MCTP1: variants seen among roughly 807,000 people sequenced by gnomAD.
MCTP1 encodes multiple C2 and transmembrane domain containing 1, also known as multiple C2 and transmembrane domain-containing protein 1.
Under a neutral mutation model 120.6 loss-of-function variants are expected in MCTP1, and 69 were observed. The ratio of observed to expected loss-of-function variants is 0.57; its 90% CI spans 0.47 to 0.70. The LOEUF (loss-of-function observed/expected upper bound fraction) is 0.70, where lower values mean the gene tolerates loss of function less well. Among genes scored for constraint, MCTP1 ranks in the 30% least tolerant of loss-of-function variants. The pLI is 0.00. For missense variants in MCTP1, 1,203 were observed against 1,248.8 expected (o/e 0.96, Z 0.55); for synonymous variants, 529 against 493.1 (o/e 1.07, Z -0.96).
At chr5:94,856,297 G>A (rs1244542216) in intron 17 of MCTP1, among the ~76,000 whole-genome samples, 1 of 151,596 alleles carries the variant, frequency 6.6e-6, no homozygotes, top group Admixed American at 6.6e-5. Flanking sequence ...CAAAAACAGT[G>A]TGGTTACGAT....
chr5:95,238,626 A>G (rs1459285097), intron 1 of MCTP1, among the ~76,000 whole-genome samples: 1 of 152,200 alleles, frequency 6.6e-6, no homozygotes, highest in Non-Finnish European at 1.5e-5. Context: ...GGAAAAGCAG[A>G]ACTGCCGTCA....
chr5:95,039,820 C>CA (rs1265322602), intron 1 of MCTP1, among the ~76,000 whole-genome samples: 1 of 138,618 alleles, frequency 7.2e-6, no homozygotes, highest in Non-Finnish European at 1.5e-5. Context: ...TTAAGTATTC[C>CA]AAAGACATTG....
chr5:95,064,046 A>T (rs962838808), intron 1 of MCTP1, among the ~76,000 whole-genome samples: 3 of 152,240 alleles, frequency 2.0e-5, no homozygotes, highest in Admixed American at 6.5e-5. Context: ...CTGCTTTAGC[A>T]CTAAATGCAC....
chr5:95,199,912 G>A (rs1750814225), intron 1 of MCTP1, among the ~76,000 whole-genome samples: 2 of 150,996 alleles, frequency 1.3e-5, no homozygotes, highest in Admixed American at 6.6e-5. Context: ...TGTAACCCCA[G>A]CACTCTGGGA....
intron 1 of MCTP1, among the ~76,000 whole-genome samples, chr5:95,210,015 G>C (rs921618978): frequency 6.6e-6 from 1 of 152,162 alleles, no homozygotes; most frequent in Non-Finnish European, 1.5e-5. Context: ...GTTCTAGTTT[G>C]ATTGCACTGT....
chr5:95,184,840 T>TCTGC (rs1749019722), intron 1 of MCTP1, among the ~76,000 whole-genome samples: 1 of 152,082 alleles, frequency 6.6e-6, no homozygotes, highest in African/African-American at 2.4e-5. Flanking sequence ...CTCAACCAGT[T>TCTGC]CTGCCATCTC....
chr5:95,142,216 A>C (rs917220440), intron 1 of MCTP1, among the ~76,000 whole-genome samples: 18 of 152,206 alleles, frequency 1.2e-4, no homozygotes, highest in Non-Finnish European at 2.2e-4. Flanking sequence ...CACAGATTTT[A>C]GCTTGGTCAT....
At chr5:95,068,965 T>A (rs1329519289) in intron 1 of MCTP1, 2 of 281,252 alleles carry the variant, frequency 7.1e-6, no homozygotes, top group East Asian at 2.8e-4. Flanking sequence ...TCTTTTTTTT[T>A]TTTTTTTTCC....
At position 94,912,965 on chromosome 5, in the gene MCTP1, T is replaced by G. The variant is rs1809132285; in HGVS notation, c.1362A>C (p.Gln454His). 1 of 1,588,536 alleles carries G rather than the reference T, an allele frequency of 6.3e-7. No individual in the cohort carries two copies. The highest frequency in any genetic ancestry group is 1.2e-5 in the South Asian group (1 of 86,592). The change falls in exon 9 of 23, where the codon CAA becomes CAC. Residue 454 changes from glutamine to histidine, a missense_variant. Gln to His is a conservative substitution (Grantham distance 24, BLOSUM62 0). This residue lies in a region of MCTP1 where 740 missense variants were observed against 871.1 expected (regional missense o/e 0.85). Transcript: ENST00000515393. ...TGTGTAGGTCTGATAGGCGTAAACT[T>G]TGGGTCTGAAACTTTTGGCAAATGA... Reference protein sequence around the residue: ...PYCKNVQFQTQSLRLSDLHRK... With the variant: ...PYCKNVQFQTHSLRLSDLHRK...
At chr5:94,969,282 T>TA (rs1561944492) in intron 2 of MCTP1, among the ~76,000 whole-genome samples, 1 of 152,148 alleles carries the variant, frequency 6.6e-6, no homozygotes, top group African/African-American at 2.4e-5. Flanking sequence ...ACAACACAAC[T>TA]AAACGTGGTC....
intron 1 of MCTP1, among the ~76,000 whole-genome samples, chr5:95,143,688 G>A (rs541382214): frequency 1.1e-4 from 16 of 152,170 alleles, no homozygotes; most frequent in Admixed American, 9.8e-4. Context: ...TAATTCACTT[G>A]GAATAATGGC....
intron 1 of MCTP1, among the ~76,000 whole-genome samples, chr5:95,030,236 C>T (rs1395518405): frequency 1.3e-5 from 2 of 152,208 alleles, no homozygotes; most frequent in African/African-American, 4.8e-5. Flanking sequence ...GCATGCTCCA[C>T]CACTTTCCCC....
intron 19 of MCTP1, among the ~76,000 whole-genome samples, chr5:94,725,760 A>T (rs559408350): frequency 6.6e-6 from 1 of 152,258 alleles, no homozygotes; most frequent in East Asian, 1.9e-4. Flanking sequence ...CAATTTATTA[A>T]CTTCTTCATC....
intron 1 of MCTP1, among the ~76,000 whole-genome samples, chr5:95,168,615 C>T (rs567744223): frequency 6.6e-6 from 1 of 152,328 alleles, no homozygotes; most frequent in South Asian, 2.1e-4. Flanking sequence ...AGGTCCTTCA[C>T]ATCCCTTGTA....
intron 1 of MCTP1, among the ~76,000 whole-genome samples, chr5:95,076,389 A>C (rs918417701): frequency 2.0e-5 from 3 of 152,104 alleles, no homozygotes; most frequent in Non-Finnish European, 4.4e-5. Flanking sequence ...AGGTGGATTA[A>C]ACTTAGAAGT....
intron 1 of MCTP1, among the ~76,000 whole-genome samples, chr5:95,130,510 T>C (rs1346326141): frequency 6.6e-6 from 1 of 152,190 alleles, no homozygotes; most frequent in African/African-American, 2.4e-5. Flanking sequence ...CCAGCTTATT[T>C]TTCAGTGTAT....
chr5:95,166,163 A>G (rs1392074875), intron 1 of MCTP1: 1 of 152,238 alleles, frequency 6.6e-6, no homozygotes, highest in South Asian at 2.1e-4. Flanking sequence ...CCAGTGTTGT[A>G]TAGGTGAAAA....
chr5:94,799,277 T>C (rs917754639), intron 17 of MCTP1, 145 bp from the exon 18 acceptor site: 7 of 735,148 alleles, frequency 9.5e-6, no homozygotes, highest in Non-Finnish European at 1.5e-5. Flanking sequence ...TTGGAAACTT[T>C]TAGACATTTT....
At chr5:95,142,126 T>C (rs1433389142) in intron 1 of MCTP1, among the ~76,000 whole-genome samples, 1 of 152,210 alleles carries the variant, frequency 6.6e-6, no homozygotes, top group African/African-American at 2.4e-5. Flanking sequence ...CTTTTTATTA[T>C]ATAATTGTCT....
Sources: allele counts gnomAD v4.1 joint callset (sites outside exome capture counted in the v4.1 genomes callset), GRCh38; gene constraint gnomAD v4.1.1; regional missense constraint gnomAD v4.1.1; transcripts MANE v1.5; gene names NCBI Gene and HGNC (gene_info 2026-07-23, HGNC 2026-07-21).